The following SHISA7 variants were observed in gnomAD, a reference collection of about 807,000 sequenced individuals.
SHISA7 encodes shisa family member 7, also known as protein shisa-7.
Under a neutral mutation model 23.9 loss-of-function variants are expected in SHISA7, and 6 were observed. That is an observed-to-expected ratio of 0.25 (90% CI 0.14 to 0.50). SHISA7 has a LOEUF of 0.50. Among genes scored for constraint, SHISA7 ranks in the 20% least tolerant of loss-of-function variants. The pLI, the probability that SHISA7 is intolerant of heterozygous loss-of-function variation, is 0.98. For synonymous variants in SHISA7, 386 were observed against 398.3 expected (o/e 0.97, Z 0.37); for missense variants, 671 against 801.1 (o/e 0.84, Z 1.96).
At chr19:55,437,786 C>G in intron 2 of SHISA7, 32 bp from the exon 3 acceptor site, 3 of 1,536,326 alleles carry the variant, frequency 2.0e-6, no homozygotes, top group Non-Finnish European at 2.6e-6. Context: ...CAGGGTCAGT[C>G]AGCTTCCTCC....
chr19:55,432,519 A>AC lies in SHISA7; in HGVS notation c.*636dup, dbSNP rs1354106939. ...AAAGGGGACCTTATGTCTAGTGAGG[A>AC]CACAATCGGTGAGGCATTTTCCCCT... On this transcript the variant is annotated 3_prime_UTR_variant, in exon 4 of 4. Coordinates refer to ENST00000376325, the MANE Select transcript of SHISA7 (RefSeq NM_001145176.2). The surrounding 1 kb of genome is among the most constrained non-coding windows in gnomAD (Gnocchi z 4.6). 6.6e-6 allele frequency: 1 copy of AC among 152,592 alleles called. No homozygotes were observed. The highest frequency in any genetic ancestry group is 6.5e-5 in the Admixed American group (1 of 15,272). 9.5% of individuals were successfully genotyped at this position (152,592 alleles called of 1,614,324 possible).
chr19:55,442,153 GC>G (rs1207270738), intron 1 of SHISA7, 39 bp downstream of exon 1: 1 of 1,486,500 alleles, frequency 6.7e-7, no homozygotes, highest in Admixed American at 2.1e-5. Flanking sequence ...GCTGGGCCCC[GC>G]CCCAGGCTCG....
chr19:55,433,699 C>T lies in SHISA7; in HGVS notation c.1074G>A (p.Gly358=), dbSNP rs1985272766. The T allele has an allele frequency of 6.8e-7, 1 of 1,480,248 alleles. No individual in the cohort carries two copies. Among genetic ancestry groups the T allele is most frequent in the Non-Finnish European group, 8.9e-7 (1 of 1,123,426 alleles). The allele number at this position is 1,480,248 out of a possible 1,614,324, so 91.7% of individuals were successfully genotyped here. ...PLHALRRPGT[G]GGYRMEAWGG... ...CCCAGGCCTCCATGCGATAGCCGCC[C>T]CCCGTGCCCGGCCGCCGCAGCGCGT... The change falls in exon 4 of 4, where the codon GGG becomes GGA. Residue 358 remains glycine (G), a synonymous_variant. Coordinates refer to ENST00000376325, the MANE Select transcript of SHISA7 (RefSeq NM_001145176.2). This position sits in a 1 kb window ranked among gnomAD's most constrained non-coding sequence, Gnocchi z 8.4.
intron 1 of SHISA7, 43 bp from the exon 2 acceptor site, chr19:55,440,808 G>A: frequency 1.6e-6 from 2 of 1,235,156 alleles, no homozygotes; most frequent in Non-Finnish European, 2.0e-6. Flanking sequence ...GGGGCTGAGG[G>A]TGGCAGGGGT....
rs1985210667 is a variant in SHISA7, at chr19:55,431,624, CAT to C, written c.*1530_*1531del. 1 of 152,142 alleles carries C rather than the reference CAT, an allele frequency of 6.6e-6. No homozygotes were observed. Among genetic ancestry groups the C allele is most frequent in the Non-Finnish European group, 1.5e-5 (1 of 68,034 alleles). 9.4% of individuals were successfully genotyped at this position (152,142 alleles called of 1,614,324 possible). A position where few individuals can be genotyped will look rare whatever the true frequency, so the allele number is the denominator to read the frequency against. On this transcript the variant is annotated 3_prime_UTR_variant, in exon 4 of 4. Coordinates refer to ENST00000376325, the MANE Select transcript of SHISA7 (RefSeq NM_001145176.2). ...TAACACTTGACCCCGGGTGTGGTGCCATCATGAGTGGCGGGTGTTGTGTGATG... is the reference window on the plus strand; with the variant it reads ...TAACACTTGACCCCGGGTGTGGTGCCCATGAGTGGCGGGTGTTGTGTGATG...
rs1599870282 is a variant in SHISA7 at position 55,432,201 on chromosome 19, C to G, written c.*955G>C. On this transcript the variant is annotated 3_prime_UTR_variant, in exon 4 of 4. Transcript: ENST00000376325. The surrounding 1 kb of genome is among the most constrained non-coding windows in gnomAD (Gnocchi z 4.6). ...CAGACAACATCTCAGGACAGGGCCC[C>G]TCTCTGCTCTCTGGCATCTTCCCTG... 6.5e-6 allele frequency: 1 copy of G among 152,790 alleles called. No homozygotes were observed. The highest frequency in any genetic ancestry group is 2.4e-5 in the African/African-American group (1 of 41,452). 9.5% of individuals were successfully genotyped at this position (152,790 alleles called of 1,614,324 possible).
chr19:55,433,875 C>G lies in SHISA7; in HGVS notation c.977-79G>C. The G allele has an allele frequency of 1.5e-6, 2 of 1,327,712 alleles. No homozygotes were observed. The highest frequency in any genetic ancestry group is 1.9e-6 in the Non-Finnish European group (2 of 1,038,732). 82.2% of individuals were successfully genotyped at this position (1,327,712 alleles called of 1,614,324 possible). ...CCTCCCCCTCCCACCTCGTCACATC[C>G]CGCTCCTATGCTCCTTGTGCCCCCA... On this transcript the variant is annotated intron_variant, in intron 3 of 3. Transcript: ENST00000376325. This position sits in a 1 kb window ranked among gnomAD's most constrained non-coding sequence, Gnocchi z 8.4.
rs1458653281 is a variant in SHISA7 at position 55,440,895 on chromosome 19, C to A, written c.672-130G>T. The A allele has an allele frequency of 4.5e-6, 4 of 887,918 alleles. No homozygotes were observed. In the African/African-American group the frequency reaches 6.9e-5, roughly 15 times the overall value. The allele number at this position is 887,918 out of a possible 1,614,324, so 55.0% of individuals were successfully genotyped here. A position where few individuals can be genotyped will look rare whatever the true frequency, so the allele number is the denominator to read the frequency against. ...CTCAGCCTGCCTTTTTCGCCATTGG[C>A]CACGCCCCTTTCTCGTTGGCCACGC... On this transcript the variant is annotated intron_variant, in intron 1 of 3. Coordinates refer to ENST00000376325, the MANE Select transcript of SHISA7 (RefSeq NM_001145176.2).
At chr19:55,434,979 G>GATGGTGTGTGTGTGTGGTGTGTGTGT (rs1985386329) in intron 3 of SHISA7, among the ~76,000 whole-genome samples, 2 of 80,088 alleles carry the variant, frequency 2.5e-5, no homozygotes, top group Non-Finnish European at 5.0e-5. Flanking sequence ...GGTGTGTGTG[G>GATGGTGTGTGTGTGTGGTGTGTGTGT]ATGGTGTGTA....
Position 55,437,630 on chromosome 19 carries a change from G to A in SHISA7, c.951C>T (p.Asn317=). 1.9e-6 allele frequency: 3 copies of A among 1,551,564 alleles called. No individual in the cohort carries two copies. The highest frequency in any genetic ancestry group is 2.6e-6 in the Non-Finnish European group (3 of 1,146,914). The part of the protein sequence containing the change: ...SYEAAVKSEL[N]RYSSLKRLAE... ...CCAGCCTCTTGAGGGAAGAGTAGCG[G>A]TTCAGCTCGGATTTCACGGCAGCCT... Residue 317 remains asparagine (N), a synonymous_variant, in exon 3 of 4, where the codon AAC becomes AAT. Transcript: ENST00000376325.
intron 3 of SHISA7, among the ~76,000 whole-genome samples, chr19:55,434,799 T>TG (rs1985360621): frequency 8.1e-6 from 1 of 124,010 alleles, no homozygotes; most frequent in Non-Finnish European, 1.7e-5. Context: ...GTGGTGTGTG[T>TG]GTGCGTGTGT....
At chr19:55,438,581 T>C (rs1408259066) in intron 2 of SHISA7, 1 of 1,304,170 alleles carries the variant, frequency 7.7e-7, no homozygotes, top group African/African-American at 1.5e-5. Flanking sequence ...GGCGTGGTGC[T>C]TGGGGCTGTT....
At chr19:55,438,742 T>C in intron 2 of SHISA7, 1 of 687,824 alleles carries the variant, frequency 1.5e-6, no homozygotes. Context: ...ATGCAGGACC[T>C]CGTTAGAGCT....
At position 55,433,260 on chromosome 19, in the gene SHISA7, G is replaced by T. The variant is rs1343272750; in HGVS notation, c.1513C>A (p.Pro505Thr). ...GGGGGTLARR[P>T]PFQRQGTLEQ... ...AGCGTGCCCTGGCGCTGGAAGGGCG[G>T]CCTGCGGGCCAGTGTGCCCCCGCCC... Residue 505 changes from proline (P) to threonine (T), a missense_variant, in exon 4 of 4, where the codon CCG becomes ACG. Coordinates refer to ENST00000376325, the MANE Select transcript of SHISA7 (RefSeq NM_001145176.2). The surrounding 1 kb of genome is among the most constrained non-coding windows in gnomAD (Gnocchi z 8.4). 1 of 1,519,608 alleles carries T rather than the reference G, an allele frequency of 6.6e-7. No individual in the cohort carries two copies. Among genetic ancestry groups the T allele is most frequent in the Non-Finnish European group, 8.8e-7 (1 of 1,140,412 alleles). The allele number at this position is 1,519,608 out of a possible 1,614,324, so 94.1% of individuals were successfully genotyped here. A position where few individuals can be genotyped will look rare whatever the true frequency, so the allele number is the denominator to read the frequency against.
At position 55,433,064 on chromosome 19, in the gene SHISA7, C is replaced by T. The variant is rs1985248128; in HGVS notation, c.*92G>A. 1 of 1,393,060 alleles carries T rather than the reference C, an allele frequency of 7.2e-7. No homozygotes were observed. Among genetic ancestry groups the T allele is most frequent in the South Asian group, 1.5e-5 (1 of 65,452 alleles). The allele number at this position is 1,393,060 out of a possible 1,614,324, so 86.3% of individuals were successfully genotyped here. On this transcript the variant is annotated 3_prime_UTR_variant, in exon 4 of 4. Transcript: ENST00000376325. This position sits in a 1 kb window ranked among gnomAD's most constrained non-coding sequence, Gnocchi z 8.4. ...TCCTGTCCAAGGGCCGATCTGGGCC[C>T]CAGGCCCCTGGCATGTGTGCGCCTG...
At position 55,433,734 on chromosome 19, in the gene SHISA7, G is replaced by A; in HGVS notation, c.1039C>T (p.Leu347=). ...RRPLELPRGT[L]PLHALRRPGT... Reference sequence around the variant, plus strand: ...GGCCGCCGCAGCGCGTGCAGGGGCAGCGTGCCGCGGGGCAATTCCAGGGGC... The same window carrying A: ...GGCCGCCGCAGCGCGTGCAGGGGCAACGTGCCGCGGGGCAATTCCAGGGGC... The change falls in exon 4 of 4, where the codon CTG becomes TTG. Residue 347 remains leucine, a synonymous_variant. Coordinates refer to ENST00000376325, the MANE Select transcript of SHISA7 (RefSeq NM_001145176.2). The surrounding 1 kb of genome is among the most constrained non-coding windows in gnomAD (Gnocchi z 8.4). The A allele has an allele frequency of 6.8e-7, 1 of 1,467,006 alleles. No individual in the cohort carries two copies. The highest frequency in any genetic ancestry group is 8.9e-7 in the Non-Finnish European group (1 of 1,118,070). 90.9% of individuals were successfully genotyped at this position (1,467,006 alleles called of 1,614,324 possible). A position where few individuals can be genotyped will look rare whatever the true frequency, so the allele number is the denominator to read the frequency against.
intron 2 of SHISA7, among the ~76,000 whole-genome samples, chr19:55,439,451 C>G (rs879390131): frequency 6.6e-6 from 1 of 152,206 alleles, no homozygotes; most frequent in Non-Finnish European, 1.5e-5. Context: ...TTCCAGAGGA[C>G]CGGTTCTACC....
At position 55,428,798 on chromosome 19, in the gene SHISA7, C is replaced by T. The variant is rs535644841; in HGVS notation, c.*4358G>A. 14 of 152,362 alleles carry T rather than the reference C, an allele frequency of 9.2e-5. No individual in the cohort carries two copies. The highest frequency in any genetic ancestry group is 3.4e-4 in the African/African-American group (14 of 41,554). 9.4% of individuals were successfully genotyped at this position (152,362 alleles called of 1,614,324 possible). On this transcript the variant is annotated 3_prime_UTR_variant, in exon 4 of 4. Transcript: ENST00000376325. Reference sequence around the variant, plus strand: ...AAGTCGCAGCTCCTCTGGCTGTCCTCACCAGGGAATTAATTAGGGGAAGGG... The same window carrying T: ...AAGTCGCAGCTCCTCTGGCTGTCCTTACCAGGGAATTAATTAGGGGAAGGG...
At chr19:55,438,645 G>A (rs1189674836) in intron 2 of SHISA7, 1 of 1,303,774 alleles carries the variant, frequency 7.7e-7, no homozygotes, top group African/African-American at 1.5e-5. Context: ...ACCGAGAAGG[G>A]AGATGATGTC....
Sources: allele counts gnomAD v4.1 joint callset (sites outside exome capture counted in the v4.1 genomes callset), GRCh38; gene constraint gnomAD v4.1.1; non-coding constraint Gnocchi (gnomAD v3.1); transcripts MANE v1.5; gene names NCBI Gene and HGNC (gene_info 2026-07-23, HGNC 2026-07-21).